DNHD1: variants seen among roughly 807,000 people sequenced by gnomAD.
DNHD1 encodes dynein heavy chain domain 1.
DNHD1 carries 383 observed loss-of-function variants against 458.1 expected under a neutral mutation model. The ratio of observed to expected loss-of-function variants is 0.84; its 90% CI spans 0.77 to 0.91. The LOEUF (loss-of-function observed/expected upper bound fraction) is 0.91. Ranked by LOEUF, DNHD1 falls within the 40% of genes least tolerant of loss-of-function variation. The probability of loss-of-function intolerance (pLI) is 0.00; values close to 1 mark genes in which losing one functional copy is unlikely to be tolerated. For synonymous variants in DNHD1, 2,203 were observed against 2,376.9 expected (o/e 0.93, Z 2.13); for missense variants, 5,336 against 5,866.1 (o/e 0.91, Z 2.95).
rs754008249 is a variant in DNHD1, at chr11:6,568,874, A to AC, written c.12863+13dup. The AC allele has an allele frequency of 1.2e-4, 188 of 1,601,928 alleles. No individual in the cohort carries two copies. The highest frequency in any genetic ancestry group is 1.6e-4 in the Non-Finnish European group (185 of 1,174,690). On this transcript the variant is annotated intron_variant, in intron 39 of 42. Transcript: ENST00000254579. ...GGCACACAGGGGGCGCTGGTGAGGG[A>AC]CCCCCACCCATTCCTGCTCAGTCAA...
Position 6,540,058 on chromosome 11 carries a change from A to C in DNHD1, c.3603A>C (p.Lys1201Asn). The change falls in exon 18 of 43, where the codon AAA (lysine) becomes AAC (asparagine). Residue 1201 changes from lysine to asparagine, a missense_variant. Transcript: ENST00000254579. ...LRSPQWEVVD[K>N]DSGTFILSDY... ...GCCCCCAATGGGAGGTAGTGGACAA[A>C]GATAGTGGCACCTTCATCCTCTCAG... is the stretch of plus-strand genomic sequence containing the variant. 6.4e-7 allele frequency: 1 copy of C among 1,551,694 alleles called. No homozygotes were observed. The highest frequency in any genetic ancestry group is 8.7e-7 in the Non-Finnish European group (1 of 1,146,966).
chr11:6,535,409 C>CATTTAATGGGGAAGGTACA (rs1372676380), intron 14 of DNHD1, among the ~76,000 whole-genome samples: 1 of 151,952 alleles, frequency 6.6e-6, no homozygotes, highest in Non-Finnish European at 1.5e-5. Context: ...CTAACAAACA[C>CATTTAATGGGGAAGGTACA]CATTCCCCAT....
At chr11:6,504,424 T>C (rs1852190535) in intron 4 of DNHD1, among the ~76,000 whole-genome samples, 1 of 152,220 alleles carries the variant, frequency 6.6e-6, no homozygotes, top group Non-Finnish European at 1.5e-5. Flanking sequence ...GCCTCAGCAA[T>C]GGTCTTTCAC....
At chr11:6,558,788 C>G in intron 26 of DNHD1, 95 bp downstream of exon 26, 1 of 1,499,504 alleles carries the variant, frequency 6.7e-7, no homozygotes, top group Non-Finnish European at 9.0e-7. Flanking sequence ...TCTCTAGAGC[C>G]TACAGAGCCC....
intron 10 of DNHD1, among the ~76,000 whole-genome samples, chr11:6,521,478 C>A (rs576471775): frequency 6.6e-6 from 1 of 152,250 alleles, no homozygotes; most frequent in East Asian, 1.9e-4. Context: ...TAAAAAAGCA[C>A]ACGGATTGGT....
intron 18 of DNHD1, 45 bp from the exon 19 acceptor site, chr11:6,544,076 G>A (rs141106257): frequency 1.8e-5 from 28 of 1,516,270 alleles, no homozygotes; most frequent in African/African-American, 7.0e-5. Context: ...CCCCAGCCCC[G>A]GCCCTTGCCT....
intron 18 of DNHD1, among the ~76,000 whole-genome samples, chr11:6,540,352 A>G (rs574131189): frequency 6.6e-6 from 1 of 152,198 alleles, no homozygotes; most frequent in Admixed American, 6.5e-5. Context: ...ACCCTCAGAA[A>G]TTCCTCATAG....
At chr11:6,566,812 C>G (rs756708558) in intron 35 of DNHD1, 47 bp downstream of exon 35, 6 of 1,599,792 alleles carry the variant, frequency 3.8e-6, no homozygotes, top group Non-Finnish European at 4.3e-6. Flanking sequence ...TTGGATGGAC[C>G]TGGGTAAGGG....
In DNHD1 at chr11:6,534,381, A is replaced by G. The variant is rs114879959; in HGVS notation, c.2998+208A>G. On this transcript the variant is annotated intron_variant, in intron 14 of 42. Coordinates refer to ENST00000254579, the MANE Select transcript of DNHD1 (RefSeq NM_144666.3). ...CAGGTGTTGTGCTTAGGGTGGGGGT[A>G]TGGGGGCTCACAGTCTGGTAAGGAA... is the stretch of plus-strand genomic sequence containing the variant. 3.5e-3 allele frequency among the ~76,000 whole-genome samples: 533 copies of G among 151,678 alleles called. 6 individuals carry two copies. The highest frequency in any genetic ancestry group is 0.012 in the African/African-American group (500 of 41,376).
chr11:6,554,477 A>T (rs1853420686), intron 24 of DNHD1, among the ~76,000 whole-genome samples: 1 of 152,206 alleles, frequency 6.6e-6, no homozygotes, highest in African/African-American at 2.4e-5. Flanking sequence ...CCTTCAAAAG[A>T]CACTGTTACG....
chr11:6,534,280 T>A, intron 14 of DNHD1, 107 bp downstream of exon 14: 1 of 1,192,574 alleles, frequency 8.4e-7, no homozygotes, highest in Non-Finnish European at 1.1e-6. Flanking sequence ...CAAGCAAGCC[T>A]TGGGAATCAC....
chr11:6,517,070 C>G (rs2723635), intron 7 of DNHD1, among the ~76,000 whole-genome samples: 8,607 of 152,238 alleles, frequency 0.057, 794 homozygotes, highest in African/African-American at 0.19. Flanking sequence ...CAGATTCAGA[C>G]TCTGGCAAGG....
chr11:6,521,501 G>A (rs1565000931), intron 10 of DNHD1, among the ~76,000 whole-genome samples: 1 of 152,160 alleles, frequency 6.6e-6, no homozygotes, highest in Non-Finnish European at 1.5e-5. Flanking sequence ...GTTTAGGGGT[G>A]AAATGTCATA....
chr11:6,563,699 G>A lies in DNHD1; in HGVS notation c.9859G>A (p.Val3287Met), dbSNP rs769569878. The part of the protein sequence containing the change: ...LCTEDFYQEL[V>M]FFPKEKITDS... ...TTAACATACATCCTTCCAGGAGCTG[G>A]TGTTCTTCCCCAAGGAGAAGATAAC... Residue 3287 changes from valine to methionine, a missense_variant, in exon 31 of 43, where the codon GTG becomes ATG. Physicochemically the swap from Val to Met is conservative, Grantham distance 21. Around this residue, in one of 4 missense-constraint regions of DNHD1, gnomAD observed 3,932 missense variants for 4,365.6 expected, o/e 0.90. Transcript: ENST00000254579. The A allele has an allele frequency of 2.6e-6, 4 of 1,544,804 alleles. No homozygotes were observed. In the South Asian group the frequency reaches 3.6e-5, roughly 14 times the overall value.
chr11:6,533,945 G>GCTTTTCTC lies in DNHD1; in HGVS notation c.2770_2771insCTTTTCTC (p.Glu924AlafsTer20). 6.4e-7 allele frequency: 1 copy of GCTTTTCTC among 1,551,210 alleles called. No homozygotes were observed. Among genetic ancestry groups the GCTTTTCTC allele is most frequent in the Non-Finnish European group, 8.7e-7 (1 of 1,146,940 alleles). Reference sequence around the variant, plus strand: ...TCAGTTTGAGAAAAGCCAGGCTTCAGAGTTCCTGCTCAGCAAGCGACATGC... The same window carrying GCTTTTCTC: ...TCAGTTTGAGAAAAGCCAGGCTTCAGCTTTTCTCAGTTCCTGCTCAGCAAGCGACATGC... On this transcript the variant is annotated frameshift_variant, in exon 14 of 43. Coordinates refer to ENST00000254579, the MANE Select transcript of DNHD1 (RefSeq NM_144666.3). LOFTEE classifies it high-confidence loss of function.
chr11:6,508,702 TTAA>T (rs1347672070), intron 4 of DNHD1, 175 bp from the exon 5 acceptor site: 4 of 620,844 alleles, frequency 6.4e-6, no homozygotes, highest in Non-Finnish European at 1.1e-5. Flanking sequence ...CGGTTTCTTC[TTAA>T]TAATATTTGT....
intron 10 of DNHD1, among the ~76,000 whole-genome samples, chr11:6,522,701 A>G (rs7931672): frequency 0.039 from 5,932 of 152,302 alleles, 213 homozygotes; most frequent in South Asian, 0.13. Flanking sequence ...AGAAACATAC[A>G]TCCAACTGAG....
chr11:6,562,274 A>G (rs1853602388), intron 28 of DNHD1, among the ~76,000 whole-genome samples: 1 of 152,184 alleles, frequency 6.6e-6, no homozygotes, highest in Non-Finnish European at 1.5e-5. Context: ...AAAAGAATAC[A>G]CAGGAGAGGA....
Position 6,566,928 on chromosome 11 carries a change from C to A in DNHD1, c.11419C>A (p.Pro3807Thr), listed in dbSNP as rs1472735515. ...GCTGACGATGCTGCTGTTCCAGAATCCGAAGCGTCAGAAGCCAGCCAAGTT... is the reference window on the plus strand; with the variant it reads ...GCTGACGATGCTGCTGTTCCAGAATACGAAGCGTCAGAAGCCAGCCAAGTT... ...RLLTMLLFQN[P>T]KRQKPAKFLR... The change falls in exon 36 of 43, where the codon CCG becomes ACG. Residue 3807 changes from proline (P) to threonine (T), a missense_variant. Pro to Thr is a conservative substitution (Grantham distance 38). Around this residue, in one of 4 missense-constraint regions of DNHD1, gnomAD observed 695 missense variants for 804.2 expected, o/e 0.86. Transcript: ENST00000254579. The A allele has an allele frequency of 9.9e-6, 16 of 1,613,210 alleles. No individual in the cohort carries two copies. The highest frequency in any genetic ancestry group is 1.4e-5 in the Non-Finnish European group (16 of 1,179,574).
Sources: gnomAD v4.1 joint callset for allele counts (sites outside exome capture counted in the v4.1 genomes callset) on GRCh38, gnomAD v4.1.1 for gene constraint, gnomAD v4.1.1 regional missense constraint, MANE v1.5 for transcripts, NCBI Gene and HGNC (gene_info 2026-07-23, HGNC 2026-07-21) for gene names.